Variants in PCDHA2 observed in about 807,000 individuals in gnomAD.
The protein encoded by PCDHA2 is protocadherin alpha-2.
A neutral mutation model predicts 66.0 loss-of-function variants in PCDHA2; 58 were observed. That is an observed-to-expected ratio of 0.88 (90% CI 0.71 to 1.09). The LOEUF is 1.09. PCDHA2 is among the 50% of genes least tolerant of loss of function. PCDHA2 has a pLI of 0.00. For missense variants in PCDHA2, 1,267 were observed against 1,242.3 expected (o/e 1.02, Z -0.30); for synonymous variants, 634 against 554.0 (o/e 1.14, Z -2.03).
chr5:140,967,745 G>A, intron 1 of PCDHA2: 1 of 1,614,184 alleles, frequency 6.2e-7, no homozygotes, highest in Non-Finnish European at 8.5e-7. Flanking sequence ...GGATTATGAG[G>A]AAGCCTCCTC....
chr5:140,979,157 A>G (rs2096837413), intron 2 of PCDHA2, 150 bp downstream of exon 2: 9 of 1,429,186 alleles, frequency 6.3e-6, no homozygotes, highest in Non-Finnish European at 8.3e-6. Context: ...CCCCATGTTT[A>G]TTCCTTGAAA....
chr5:140,892,180 T>G (rs1176959692), intron 1 of PCDHA2, among the ~76,000 whole-genome samples: 1 of 152,224 alleles, frequency 6.6e-6, no homozygotes, highest in Non-Finnish European at 1.5e-5. Flanking sequence ...GGGATCCTCA[T>G]GGGTCTATTC....
chr5:141,009,290 A>G (rs1372878338), intron 3 of PCDHA2, among the ~76,000 whole-genome samples: 1 of 152,118 alleles, frequency 6.6e-6, no homozygotes, highest in Non-Finnish European at 1.5e-5. Context: ...TCCCATTTCT[A>G]TAAAATTTTT....
At chr5:140,871,536 A>G in intron 1 of PCDHA2, 1 of 1,507,188 alleles carries the variant, frequency 6.6e-7, no homozygotes, top group East Asian at 2.4e-5. Context: ...AGTGTATGTG[A>G]AATTATTTAA....
chr5:140,828,657 A>G (rs2150157690), intron 1 of PCDHA2: 3 of 1,614,090 alleles, frequency 1.9e-6, no homozygotes, highest in African/African-American at 2.7e-5. Flanking sequence ...AGTGATGACA[A>G]TAAACAAATT....
chr5:140,795,576 A>C lies in PCDHA2; in HGVS notation c.612A>C (p.Glu204Asp). 6.2e-7 allele frequency: 1 copy of C among 1,614,172 alleles called. No individual in the cohort carries two copies. Among genetic ancestry groups the C allele is most frequent in the Non-Finnish European group, 8.5e-7 (1 of 1,180,026 alleles). The change falls in exon 1 of 4, where the codon GAA (glutamate) becomes GAC (aspartate). Residue 204 changes from glutamate to aspartate, a missense_variant. By Grantham distance (45) the Glu-to-Asp change is conservative (BLOSUM62 2). Coordinates refer to ENST00000526136, the MANE Select transcript of PCDHA2 (RefSeq NM_018905.3). ...LVLGKSLDRE[E>D]TAEVNLLLVA... ...TGGGGAAATCGCTGGACAGAGAGGA[A>C]ACTGCTGAGGTTAATTTGTTACTGG...
In PCDHA2 at chr5:140,808,485, C is replaced by G. The variant is rs782357684; in HGVS notation, c.2388+11133C>G. 12 of 1,614,058 alleles carry G rather than the reference C, an allele frequency of 7.4e-6. No individual in the cohort carries two copies. The highest frequency in any genetic ancestry group is 1.0e-5 in the Non-Finnish European group (12 of 1,180,062). On this transcript the variant is annotated intron_variant, in intron 1 of 3. Transcript: ENST00000526136. ...GTGACCGCGCGAGACGGGGGCTCGCCTTCGCTGTGGGCCACGGCCAGTGTT... is the reference window on the plus strand; with the variant it reads ...GTGACCGCGCGAGACGGGGGCTCGCGTTCGCTGTGGGCCACGGCCAGTGTT...
At chr5:140,915,107 C>T (rs1461317939) in intron 1 of PCDHA2, among the ~76,000 whole-genome samples, 1 of 151,880 alleles carries the variant, frequency 6.6e-6, no homozygotes, top group African/African-American at 2.4e-5. Flanking sequence ...CACCACAACA[C>T]CCACCTAATT....
intron 1 of PCDHA2, chr5:140,809,160 C>T (rs147908793): frequency 1.9e-6 from 3 of 1,613,860 alleles, no homozygotes; most frequent in African/African-American, 2.7e-5. Context: ...GGCGAGCCCG[C>T]GCTGACGGCC....
chr5:140,970,473 CA>C (rs1177454514), intron 1 of PCDHA2, among the ~76,000 whole-genome samples: 4 of 151,956 alleles, frequency 2.6e-5, no homozygotes, highest in African/African-American at 9.7e-5. Flanking sequence ...GGTATAAGGC[CA>C]GCTTGTTCAT....
At position 140,796,702 on chromosome 5, in the gene PCDHA2, C is replaced by G. The variant is rs782377938; in HGVS notation, c.1738C>G (p.Leu580Val). ...AGTAAGAVSELVPWSVGAGHV... is the reference protein window; with the variant it reads ...AGTAAGAVSEVVPWSVGAGHV... ...CACCGCTGCTGGCGCAGTGAGTGAG[C>G]TGGTGCCGTGGTCGGTGGGTGCAGG... Residue 580 changes from leucine to valine, a missense_variant, in exon 1 of 4, where the codon CTG becomes GTG. Transcript: ENST00000526136. 24 of 1,613,870 alleles carry G rather than the reference C, an allele frequency of 1.5e-5. No individual in the cohort carries two copies. The highest frequency in any genetic ancestry group is 1.9e-5 in the Non-Finnish European group (22 of 1,179,922).
chr5:140,848,447 C>G, intron 1 of PCDHA2: 1 of 1,507,352 alleles, frequency 6.6e-7, no homozygotes, highest in East Asian at 2.3e-5. Flanking sequence ...ATGATTTCTT[C>G]TAATTTGGAG....
chr5:140,999,459 T>C (rs2097858774), intron 3 of PCDHA2, among the ~76,000 whole-genome samples: 1 of 152,138 alleles, frequency 6.6e-6, no homozygotes, highest in Non-Finnish European at 1.5e-5. Flanking sequence ...AACGAATAAG[T>C]GGTGAAGCAG....
chr5:140,904,189 C>G (rs1436545458), intron 1 of PCDHA2, among the ~76,000 whole-genome samples: 1 of 151,968 alleles, frequency 6.6e-6, no homozygotes, highest in Non-Finnish European at 1.5e-5. Context: ...CCCCTTCCCA[C>G]CCTTTCCCCC....
chr5:140,819,134 G>T (rs1215831238), intron 1 of PCDHA2, among the ~76,000 whole-genome samples: 1 of 152,060 alleles, frequency 6.6e-6, no homozygotes, highest in East Asian at 1.9e-4. Context: ...CCTTATAATA[G>T]AATAAATTAA....
At chr5:140,965,015 C>A (rs187456244) in intron 1 of PCDHA2, among the ~76,000 whole-genome samples, 116 of 152,260 alleles carry the variant, frequency 7.6e-4, no homozygotes, top group Non-Finnish European at 1.2e-3. Context: ...AGGATCACAA[C>A]CTTGGCTCCT....
rs201969686 is a variant in PCDHA2, at chr5:140,898,775, T to A, written c.2389-80174T>A. ...GATGGCATTGAATCTGTAAATTACC[T>A]TGGGCAGTATGGCCATTTTCACGAT... On this transcript the variant is annotated intron_variant, in intron 1 of 3. Coordinates refer to ENST00000526136, the MANE Select transcript of PCDHA2 (RefSeq NM_018905.3). 9.9e-4 allele frequency among the ~76,000 whole-genome samples: 151 copies of A among 152,312 alleles called. 1 individual carries two copies. The East Asian group carries it at 0.026, about 26-fold the overall frequency.
At chr5:140,908,602 G>T (rs542051868) in intron 1 of PCDHA2, among the ~76,000 whole-genome samples, 67 of 152,202 alleles carry the variant, frequency 4.4e-4, no homozygotes, top group African/African-American at 1.3e-3. Context: ...AAGATGGAAG[G>T]GCCTTGCTCC....
chr5:140,942,023 A>G (rs1391051051), intron 1 of PCDHA2, among the ~76,000 whole-genome samples: 2 of 152,208 alleles, frequency 1.3e-5, no homozygotes, highest in African/African-American at 4.8e-5. Context: ...TTGGGAAAAA[A>G]TAATTCATAA....
Sources: allele counts gnomAD v4.1 joint callset (sites outside exome capture counted in the v4.1 genomes callset), GRCh38; gene constraint gnomAD v4.1.1; transcripts MANE v1.5; gene names NCBI Gene and HGNC (gene_info 2026-07-23, HGNC 2026-07-21).